The following SMARCAD1 variants were observed in gnomAD, a reference collection of about 807,000 sequenced individuals.
SMARCAD1 encodes the protein SNF2 related chromatin remodeling ATPase with DExD box 1.
Under a neutral mutation model 127.1 loss-of-function variants are expected in SMARCAD1, and 25 were observed. The observed-to-expected ratio is 0.20, with a 90% CI of 0.14 to 0.27. The LOEUF is 0.27. SMARCAD1 is among the 10% of genes least tolerant of loss of function. The pLI is 1.00. For synonymous variants in SMARCAD1, 400 were observed against 396.9 expected (o/e 1.01, Z -0.09); for missense variants, 807 against 1,206.0 (o/e 0.67, Z 4.90).
At chr4:94,248,410 T>G (rs1215375177) in intron 6 of SMARCAD1, 1 of 454,026 alleles carries the variant, frequency 2.2e-6, no homozygotes, top group Admixed American at 2.4e-5. Context: ...AGTTAGATAC[T>G]TGGATCTGTT....
At chr4:94,212,956 C>T in intron 2 of SMARCAD1, 1 of 683,876 alleles carries the variant, frequency 1.5e-6, no homozygotes, top group Non-Finnish European at 2.3e-6. Context: ...TTATTTTACT[C>T]TTCTCGGTGC....
At chr4:94,274,044 C>G (rs941393853) in intron 12 of SMARCAD1, among the ~76,000 whole-genome samples, 2 of 152,076 alleles carry the variant, frequency 1.3e-5, no homozygotes, top group Non-Finnish European at 2.9e-5. Context: ...TAAACAGATA[C>G]GTAATTAATT....
intron 16 of SMARCAD1, among the ~76,000 whole-genome samples, chr4:94,277,467 T>G (rs1392192621): frequency 6.6e-6 from 1 of 152,232 alleles, no homozygotes; most frequent in African/African-American, 2.4e-5. Flanking sequence ...TTACATCATC[T>G]GTATCAAAAT....
In SMARCAD1 at chr4:94,241,815, A is replaced by C. The variant is rs557813611; in HGVS notation, c.705+809A>C. ...TGGTGTAGAAAGTCTTACCTTGTTG[A>C]CTTGCATGCACAGACTCAAGCCCAG... On this transcript the variant is annotated intron_variant, in intron 6 of 23. Coordinates refer to ENST00000354268, the MANE Select transcript of SMARCAD1 (RefSeq NM_020159.5). Among the ~76,000 whole-genome samples the C allele has an allele frequency of 1.3e-4, 20 of 152,178 alleles. 1 individual carries two copies. The highest frequency in any genetic ancestry group is 6.8e-3 in the Middle Eastern group (2 of 294).
chr4:94,248,460 ATAC>A, intron 6 of SMARCAD1: 1 of 456,164 alleles, frequency 2.2e-6, no homozygotes, highest in Non-Finnish European at 4.4e-6. Context: ...GAGCTTTAAA[ATAC>A]TGTTCTTGGA....
Position 94,268,513 on chromosome 4 carries a change from TA to T in SMARCAD1, c.1482-2212del, listed in dbSNP as rs1383048775. The stretch of plus-strand genomic sequence containing the variant: ...GTGAGCCTTATGTGAATAGGATGAC[TA>T]AAGAATTGGGAAGGATGCATAAAAA... On this transcript the variant is annotated intron_variant, in intron 10 of 23. Coordinates refer to ENST00000354268, the MANE Select transcript of SMARCAD1 (RefSeq NM_020159.5). Among the ~76,000 whole-genome samples the T allele has an allele frequency of 3.9e-5, 6 of 152,196 alleles. No individual in the cohort carries two copies. In the South Asian group the frequency reaches 1.2e-3, roughly 31 times the overall value.
At chr4:94,257,699 A>G (rs927735936) in intron 9 of SMARCAD1, among the ~76,000 whole-genome samples, 8 of 152,152 alleles carry the variant, frequency 5.3e-5, no homozygotes, top group Admixed American at 2.0e-4. Context: ...AAAAAAATCT[A>G]TATCCACCCT....
chr4:94,253,734 A>G, intron 9 of SMARCAD1: 1 of 956,738 alleles, frequency 1.0e-6, no homozygotes, highest in Non-Finnish European at 1.2e-6. Context: ...TTGTATACAG[A>G]ATACCTGCAT....
intron 2 of SMARCAD1, among the ~76,000 whole-genome samples, chr4:94,216,286 G>A (rs1743168661): frequency 6.6e-6 from 1 of 151,968 alleles, no homozygotes; most frequent in African/African-American, 2.4e-5. Context: ...TTGGGGAGTG[G>A]GGCACAAACA....
At chr4:94,236,400 A>G (rs960582762) in intron 4 of SMARCAD1, among the ~76,000 whole-genome samples, 1 of 152,188 alleles carries the variant, frequency 6.6e-6, no homozygotes, top group Non-Finnish European at 1.5e-5. Flanking sequence ...TGTTCTTGAA[A>G]AGATTCAGAC....
intron 9 of SMARCAD1, chr4:94,253,301 T>C (rs1480776751): frequency 5.8e-6 from 8 of 1,382,486 alleles, no homozygotes; most frequent in Non-Finnish European, 7.6e-6. Flanking sequence ...AAGAAGAAAT[T>C]AGAGCTTACA....
chr4:94,209,815 G>A (rs1011944535), intron 2 of SMARCAD1, among the ~76,000 whole-genome samples: 2 of 152,180 alleles, frequency 1.3e-5, no homozygotes, highest in Non-Finnish European at 2.9e-5. Context: ...TTCACTCTTT[G>A]AATAGATATT....
intron 6 of SMARCAD1, among the ~76,000 whole-genome samples, chr4:94,243,097 C>T (rs1055164099): frequency 6.6e-6 from 1 of 152,182 alleles, no homozygotes; most frequent in African/African-American, 2.4e-5. Flanking sequence ...GCTGGGATTA[C>T]AGGCGTGTGC....
At chr4:94,237,345 C>T (rs770190356) in intron 5 of SMARCAD1, among the ~76,000 whole-genome samples, 8 of 151,898 alleles carry the variant, frequency 5.3e-5, no homozygotes, top group Non-Finnish European at 8.8e-5. Context: ...TAGGGAAAGG[C>T]GTAGCTGGTA....
intron 12 of SMARCAD1, among the ~76,000 whole-genome samples, chr4:94,274,441 C>T (rs3113843): frequency 3.9e-5 from 6 of 152,030 alleles, no homozygotes; most frequent in African/African-American, 9.7e-5. Context: ...CTCAGCCTCC[C>T]GAGTAGCTGG....
At chr4:94,248,613 G>A in intron 6 of SMARCAD1, 2 of 446,490 alleles carry the variant, frequency 4.5e-6, no homozygotes, top group South Asian at 3.2e-5. Context: ...ACTAACCTTA[G>A]GCTTTATTCC....
In SMARCAD1 at chr4:94,284,948, A is replaced by ATT. The variant is rs112303846; in HGVS notation, c.2910-4_2910-3dup. On this transcript the variant is annotated splice_polypyrimidine_tract_variant and intron_variant, in intron 22 of 23. Transcript: ENST00000354268. ...TTAGTAACCAATGGACATATTTTGTATTTTTTTTTAGAGAAGTACTAGTTA... is the reference window on the plus strand; with the variant it reads ...TTAGTAACCAATGGACATATTTTGTATTTTTTTTTTTAGAGAAGTACTAGTTA... The ATT allele has an allele frequency of 1.2e-5, 17 of 1,438,584 alleles. No individual in the cohort carries two copies. The highest frequency in any genetic ancestry group is 2.8e-5 in the African/African-American group (2 of 71,040). The allele number at this position is 1,438,584 out of a possible 1,614,324, so 89.1% of individuals were successfully genotyped here. A position where few individuals can be genotyped will look rare whatever the true frequency, so the allele number is the denominator to read the frequency against.
rs1316044840 is a variant in SMARCAD1 at position 94,218,406 on chromosome 4, A to G, written c.191-7713A>G. Among the ~76,000 whole-genome samples the G allele has an allele frequency of 2.0e-5, 3 of 151,330 alleles. No individual in the cohort carries two copies. In the East Asian group the frequency reaches 5.8e-4, roughly 29 times the overall value. On this transcript the variant is annotated intron_variant, in intron 2 of 23. Coordinates refer to ENST00000354268, the MANE Select transcript of SMARCAD1 (RefSeq NM_020159.5). ...CCTGAGTAGCTGGGACCTCCTCCTG[A>G]CTCAGCCTCCTGAGTAGCTGGTACC... is the stretch of plus-strand genomic sequence containing the variant.
intron 2 of SMARCAD1, among the ~76,000 whole-genome samples, chr4:94,209,409 C>G (rs1273241135): frequency 6.6e-6 from 1 of 152,068 alleles, no homozygotes; most frequent in African/African-American, 2.4e-5. Flanking sequence ...GATTCCTGAG[C>G]ATAAACTAAT....
Sources: allele counts gnomAD v4.1 joint callset (sites outside exome capture counted in the v4.1 genomes callset), GRCh38; gene constraint gnomAD v4.1.1; transcripts MANE v1.5; gene names NCBI Gene and HGNC (gene_info 2026-07-23, HGNC 2026-07-21).